Variants in TPRG1 observed in about 807,000 individuals in gnomAD.
TPRG1 encodes tumor protein p63-regulated gene 1 protein.
Under a neutral mutation model 29.3 loss-of-function variants are expected in TPRG1, and 29 were observed. The observed-to-expected ratio is 0.99, with a 90% CI of 0.74 to 1.35. The LOEUF (loss-of-function observed/expected upper bound fraction) is 1.35, where lower values mean the gene tolerates loss of function less well. Among genes scored for constraint, TPRG1 ranks in the 40% most tolerant of loss-of-function variants. The pLI is 0.00. For missense variants in TPRG1, 327 were observed against 335.0 expected (o/e 0.98, Z 0.19); for synonymous variants, 130 against 116.8 (o/e 1.11, Z -0.73).
chr3:189,147,175 GTT>G (rs1725376474), intron 3 of TPRG1, among the ~76,000 whole-genome samples: 1 of 152,212 alleles, frequency 6.6e-6, no homozygotes, highest in African/African-American at 2.4e-5. Flanking sequence ...GGAGGGAAGA[GTT>G]ATCCAGTGAT....
chr3:189,073,042 G>A (rs545724251), intron 4 of TPRG1, among the ~76,000 whole-genome samples: 8 of 152,240 alleles, frequency 5.3e-5, no homozygotes, highest in East Asian at 1.9e-4. Context: ...TTATTGAATT[G>A]AATTAGTAGC....
intron 1 of TPRG1, among the ~76,000 whole-genome samples, chr3:189,108,655 TTC>T (rs935966542): frequency 6.6e-6 from 1 of 152,042 alleles, no homozygotes; most frequent in African/African-American, 2.4e-5. Context: ...ATACTAAAAA[TTC>T]TTTGTTTCTG....
chr3:189,053,161 C>CTA (rs1470723953), intron 4 of TPRG1, among the ~76,000 whole-genome samples: 7 of 152,196 alleles, frequency 4.6e-5, no homozygotes, highest in African/African-American at 1.7e-4. Flanking sequence ...CTTGTGGCTC[C>CTA]TATATCAGCA....
At chr3:189,141,931 T>C (rs1724625457) in intron 3 of TPRG1, among the ~76,000 whole-genome samples, 1 of 152,122 alleles carries the variant, frequency 6.6e-6, no homozygotes, top group African/African-American at 2.4e-5. Flanking sequence ...CAAGTGGTAT[T>C]TAAGTGGAGA....
chr3:189,276,537 CT>C (rs952856907), intron 4 of TPRG1, among the ~76,000 whole-genome samples: 15 of 152,266 alleles, frequency 9.9e-5, no homozygotes, highest in African/African-American at 1.9e-4. Context: ...GGTTTTCCTC[CT>C]TTTTTTCTCC....
rs1277855586 is a variant in TPRG1 at position 189,010,034 on chromosome 3, G to A, written c.-660+5274G>A. ...TCATTTAGCTCCCACTTATAAGTGAGAACATAGGTATTTCATTTTCTGTTC... is the reference window on the plus strand; with the variant it reads ...TCATTTAGCTCCCACTTATAAGTGAAAACATAGGTATTTCATTTTCTGTTC... On this transcript the variant is annotated intron_variant, in intron 3 of 10. Transcript: ENST00000433971. 4.6e-5 allele frequency among the ~76,000 whole-genome samples: 7 copies of A among 152,128 alleles called. 1 individual carries two copies. In the South Asian group the frequency reaches 1.0e-3, roughly 23 times the overall value.
upstream of TPRG1, among the ~76,000 whole-genome samples, chr3:189,096,765 A>G (rs1388255424): frequency 2.0e-5 from 3 of 152,384 alleles, no homozygotes; most frequent in East Asian, 5.8e-4. Context: ...AATTGAAGAC[A>G]TAAGTATATT....
chr3:189,312,374 A>G (rs1431501193), intron 5 of TPRG1, among the ~76,000 whole-genome samples: 1 of 151,888 alleles, frequency 6.6e-6, no homozygotes, highest in Non-Finnish European at 1.5e-5. Flanking sequence ...AATCCAAGAT[A>G]AAGAGCTTAA....
At chr3:189,282,774 T>C (rs1717387964) in intron 4 of TPRG1, among the ~76,000 whole-genome samples, 1 of 152,166 alleles carries the variant, frequency 6.6e-6, no homozygotes, top group African/African-American at 2.4e-5. Context: ...AAATCACTGC[T>C]TTTCACTCTG....
At chr3:189,055,024 T>C (rs1715572846) in intron 4 of TPRG1, among the ~76,000 whole-genome samples, 1 of 152,188 alleles carries the variant, frequency 6.6e-6, no homozygotes, top group South Asian at 2.1e-4. Flanking sequence ...ATGAGGTATG[T>C]GTGTACAGTT....
intron 4 of TPRG1, among the ~76,000 whole-genome samples, chr3:189,300,324 A>G (rs1720633067): frequency 6.6e-6 from 1 of 152,220 alleles, no homozygotes; most frequent in South Asian, 2.1e-4. Flanking sequence ...GACATAATGT[A>G]TGTAGATGTC....
At chr3:189,232,141 A>G (rs1738767007) in intron 3 of TPRG1, among the ~76,000 whole-genome samples, 1 of 152,156 alleles carries the variant, frequency 6.6e-6, no homozygotes, top group Non-Finnish European at 1.5e-5. Context: ...TTTCCTTACT[A>G]AAGAGAAAAA....
intron 3 of TPRG1, among the ~76,000 whole-genome samples, chr3:189,223,305 C>G (rs1332939660): frequency 6.6e-6 from 1 of 152,202 alleles, no homozygotes; most frequent in Admixed American, 6.5e-5. Context: ...TAAGACTTGC[C>G]TCTGTCTTTG....
intron 1 of TPRG1, among the ~76,000 whole-genome samples, chr3:189,199,587 C>T (rs948357953): frequency 1.3e-5 from 2 of 152,172 alleles, no homozygotes; most frequent in African/African-American, 2.4e-5. Flanking sequence ...CGCCTGTAAT[C>T]CCAGCACTTT....
intron 4 of TPRG1, among the ~76,000 whole-genome samples, chr3:189,150,159 T>C (rs1425018202): frequency 6.6e-6 from 1 of 152,154 alleles, no homozygotes; most frequent in Non-Finnish European, 1.5e-5. Context: ...AAAGTGGAAG[T>C]GACTTGGTGA....
intron 1 of TPRG1, among the ~76,000 whole-genome samples, chr3:189,104,312 G>T (rs895292387): frequency 6.6e-6 from 1 of 152,090 alleles, no homozygotes; most frequent in Non-Finnish European, 1.5e-5. Context: ...CTTGACAGGC[G>T]TAGATATTCA....
intron 3 of TPRG1, among the ~76,000 whole-genome samples, chr3:189,015,158 G>C (rs1173447006): frequency 2.6e-5 from 4 of 152,182 alleles, no homozygotes; most frequent in Non-Finnish European, 5.9e-5. Context: ...GGGAACTGGA[G>C]TAAATGTTAT....
rs556627850 is a variant in TPRG1, at chr3:189,200,787, G to A, written c.-9-6589G>A. The stretch of plus-strand genomic sequence containing the variant: ...CAGAAGAGATACACAACCATTCTGG[G>A]CCTCAGTTTCCTTACTTGTAAAAGG... On this transcript the variant is annotated intron_variant, in intron 1 of 5. Coordinates refer to ENST00000345063, the MANE Select transcript of TPRG1 (RefSeq NM_198485.4). Among the ~76,000 whole-genome samples the A allele has an allele frequency of 1.1e-4, 16 of 152,224 alleles. No individual in the cohort carries two copies. In the South Asian group the frequency reaches 2.9e-3, roughly 28 times the overall value.
chr3:189,113,574 T>G (rs1375865965), intron 1 of TPRG1, among the ~76,000 whole-genome samples: 5 of 151,826 alleles, frequency 3.3e-5, no homozygotes, highest in Admixed American at 6.6e-5. Context: ...TTATTGAGAG[T>G]TTTTAGCATG....
Sources: allele counts gnomAD v4.1 joint callset (sites outside exome capture counted in the v4.1 genomes callset), GRCh38; gene constraint gnomAD v4.1.1; transcripts MANE v1.5; gene names NCBI Gene and HGNC (gene_info 2026-07-23, HGNC 2026-07-21).